OSBPL9: variants seen among roughly 807,000 people sequenced by gnomAD.
OSBPL9 encodes oxysterol-binding protein-related protein 9.
OSBPL9 carries 40 observed loss-of-function variants against 106.6 expected under a neutral mutation model. The ratio of observed to expected loss-of-function variants is 0.38; its 90% CI spans 0.29 to 0.49. OSBPL9 has a LOEUF of 0.49. Among genes scored for constraint, OSBPL9 ranks in the 20% least tolerant of loss-of-function variants. The probability of loss-of-function intolerance (pLI) is 0.97; values close to 1 mark genes in which losing one functional copy is unlikely to be tolerated. For missense variants in OSBPL9, 609 were observed against 887.2 expected (o/e 0.69, Z 3.98); for synonymous variants, 269 against 295.4 (o/e 0.91, Z 0.92).
At position 51,740,341 on chromosome 1, in the gene OSBPL9, T is replaced by G. The variant is rs995289938; in HGVS notation, c.319-5195T>G. The G allele has an allele frequency of 4.3e-6, 5 of 1,155,788 alleles. No homozygotes were observed. In the African/African-American group the frequency reaches 8.1e-5, roughly 19 times the overall value. The allele number at this position is 1,155,788 out of a possible 1,614,324, so 71.6% of individuals were successfully genotyped here. On this transcript the variant is annotated intron_variant, in intron 4 of 23. Transcript: ENST00000428468. ...AATATTCTCATATTTTAATCAAAAT[T>G]ACATTCCTGCTAAGTTTTCATTAGT...
intron 4 of OSBPL9, among the ~76,000 whole-genome samples, chr1:51,718,006 C>T (rs1661380384): frequency 6.6e-6 from 1 of 152,096 alleles, no homozygotes; most frequent in Non-Finnish European, 1.5e-5. Context: ...TATATAAACA[C>T]AATGGAATAC....
At chr1:51,683,668 C>G (rs1039611830) in intron 3 of OSBPL9, among the ~76,000 whole-genome samples, 8 of 152,042 alleles carry the variant, frequency 5.3e-5, no homozygotes, top group Non-Finnish European at 1.2e-4. Context: ...TGACACATGC[C>G]TGTAATCGCA....
intron 4 of OSBPL9, among the ~76,000 whole-genome samples, chr1:51,722,913 T>A (rs1389044989): frequency 6.6e-6 from 1 of 152,260 alleles, no homozygotes; most frequent in Admixed American, 6.5e-5. Flanking sequence ...TCTGCTTCAT[T>A]CATTTGGCCT....
At chr1:51,565,331 G>C in the OSBPL9 span, among the ~76,000 whole-genome samples, 2 of 152,206 alleles carry the variant, frequency 1.3e-5, no homozygotes, top group South Asian at 2.1e-4. Context: ...AACTACTGCT[G>C]TCAGTTTTTT....
intron 1 of OSBPL9, among the ~76,000 whole-genome samples, chr1:51,588,920 C>T (rs1433852379): frequency 1.3e-5 from 2 of 152,132 alleles, no homozygotes; most frequent in Non-Finnish European, 2.9e-5. Flanking sequence ...CAGAGAAGCA[C>T]TGTGCTCTCA....
At chr1:51,521,561 A>G in the OSBPL9 span, among the ~76,000 whole-genome samples, 1 of 152,160 alleles carries the variant, frequency 6.6e-6, no homozygotes, top group Non-Finnish European at 1.5e-5. Context: ...TAACTTTTAT[A>G]TGATTTATAT....
intron 2 of OSBPL9, among the ~76,000 whole-genome samples, chr1:51,608,637 C>G (rs1557583142): frequency 6.6e-6 from 1 of 151,362 alleles, no homozygotes; most frequent in Non-Finnish European, 1.5e-5. Context: ...GTTTAACAAT[C>G]TCCTGACCAT....
intron 22 of OSBPL9, 97 bp downstream of exon 22, chr1:51,786,714 A>G (rs1042670898): frequency 1.1e-6 from 1 of 934,458 alleles, no homozygotes; most frequent in Non-Finnish European, 1.7e-6. Context: ...AGGGCAGAGC[A>G]TAATAGTATA....
At chr1:51,749,534 C>A in intron 7 of OSBPL9, 1 of 415,146 alleles carries the variant, frequency 2.4e-6, no homozygotes, top group South Asian at 1.7e-5. Flanking sequence ...CTAGGCTGGT[C>A]TCCTAGCCTC....
intron 2 of OSBPL9, among the ~76,000 whole-genome samples, chr1:51,611,590 T>G (rs1033590038): frequency 6.6e-6 from 1 of 152,154 alleles, no homozygotes; most frequent in African/African-American, 2.4e-5. Flanking sequence ...TGCTAGAAAC[T>G]AAGGGAAAAA....
chr1:51,595,944 C>T (rs1645297052), intron 1 of OSBPL9, among the ~76,000 whole-genome samples: 1 of 152,040 alleles, frequency 6.6e-6, no homozygotes, highest in Non-Finnish European at 1.5e-5. Context: ...TTTCGTTTAA[C>T]TTCATTCATC....
intron 1 of OSBPL9, among the ~76,000 whole-genome samples, chr1:51,630,107 G>A (rs940347621): frequency 6.6e-6 from 1 of 152,060 alleles, no homozygotes; most frequent in Non-Finnish European, 1.5e-5. Context: ...AATGATTACT[G>A]GGGGGAATGA....
chr1:51,552,963 C>A, the OSBPL9 span, among the ~76,000 whole-genome samples: 7 of 150,426 alleles, frequency 4.7e-5, no homozygotes. Flanking sequence ...TATCAAAGTT[C>A]TTTAAAAAAA....
chr1:51,700,141 A>G (rs1656928203), intron 3 of OSBPL9, among the ~76,000 whole-genome samples: 1 of 152,286 alleles, frequency 6.6e-6, no homozygotes, highest in East Asian at 1.9e-4. Context: ...AGCCTTGGAA[A>G]CCTTGTGCCA....
chr1:51,736,433 C>G (rs527584871), intron 4 of OSBPL9, among the ~76,000 whole-genome samples: 1 of 151,382 alleles, frequency 6.6e-6, no homozygotes, highest in South Asian at 2.2e-4. Flanking sequence ...GATCATCTAT[C>G]TGTTAGTCCT....
At chr1:51,575,361 C>T (rs1018520014), upstream of OSBPL9, among the ~76,000 whole-genome samples, 2 of 148,422 alleles carry the variant, frequency 1.3e-5, no homozygotes, top group Admixed American at 1.3e-4. Context: ...CCACCTCACC[C>T]GGCTAATTTT....
chr1:51,785,548 ACT>A (rs1677400813), intron 20 of OSBPL9: 2 of 460,780 alleles, frequency 4.3e-6, no homozygotes, highest in East Asian at 8.7e-5. Flanking sequence ...GAATTTGCCA[ACT>A]CTGTTATGGT....
chr1:51,584,579 T>C (rs1185472688), intron 1 of OSBPL9, among the ~76,000 whole-genome samples: 1 of 151,812 alleles, frequency 6.6e-6, no homozygotes, highest in Non-Finnish European at 1.5e-5. Flanking sequence ...AGCCAGGTGT[T>C]GTGGTGGGTG....
At chr1:51,763,155 G>T (rs184182579) in intron 11 of OSBPL9, among the ~76,000 whole-genome samples, 2 of 151,854 alleles carry the variant, frequency 1.3e-5, no homozygotes, top group Admixed American at 6.6e-5. Flanking sequence ...AAAGATGTGC[G>T]CCACCACGCC....
Sources: gnomAD v4.1 joint callset for allele counts (sites outside exome capture counted in the v4.1 genomes callset) on GRCh38, gnomAD v4.1.1 for gene constraint, MANE v1.5 for transcripts, NCBI Gene and HGNC (gene_info 2026-07-23, HGNC 2026-07-21) for gene names.